HMCN1: variants seen among roughly 807,000 people sequenced by gnomAD.
HMCN1 encodes hemicentin-1.
A neutral mutation model predicts 625.9 loss-of-function variants in HMCN1; 321 were observed. The observed-to-expected ratio is 0.51, with a 90% CI of 0.47 to 0.56. HMCN1 has a LOEUF of 0.56. Among genes scored for constraint, HMCN1 ranks in the 20% least tolerant of loss-of-function variants. HMCN1 has a pLI of 0.00. For missense variants in HMCN1, 6,588 were observed against 6,887.3 expected (o/e 0.96, Z 1.54); for synonymous variants, 2,425 against 2,417.6 (o/e 1.00, Z -0.09).
chr1:186,018,053 C>T (rs1347339015), intron 33 of HMCN1, 130 bp from the exon 34 acceptor site: 3 of 860,480 alleles, frequency 3.5e-6, no homozygotes, highest in East Asian at 2.6e-5. Flanking sequence ...TTCTCTTTTT[C>T]ATTTACAATT....
At chr1:185,743,531 A>G (rs114569793) in intron 1 of HMCN1, among the ~76,000 whole-genome samples, 29 of 152,292 alleles carry the variant, frequency 1.9e-4, no homozygotes, top group African/African-American at 6.7e-4. Context: ...CTACCTTCCA[A>G]TTTTAACTGG....
intron 56 of HMCN1, among the ~76,000 whole-genome samples, chr1:186,081,974 G>A (rs1226812910): frequency 1.1e-4 from 16 of 152,094 alleles, no homozygotes; most frequent in Admixed American, 9.8e-4. Context: ...AAGAATCCAA[G>A]CATAACCTTC....
chr1:185,853,421 T>C (rs1662279469), intron 2 of HMCN1, among the ~76,000 whole-genome samples: 2 of 152,202 alleles, frequency 1.3e-5, no homozygotes, highest in Admixed American at 6.5e-5. Context: ...AAAGGTACTA[T>C]ATCTACTGTA....
chr1:185,982,265 C>A lies in HMCN1; in HGVS notation c.2666C>A (p.Ala889Asp). Residue 889 changes from alanine (A) to aspartate (D), a missense_variant, in exon 18 of 107, where the codon GCT (alanine) becomes GAT (aspartate). Physicochemically the swap from Ala to Asp is moderately radical, Grantham distance 126. Around this residue, in one of 3 missense-constraint regions of HMCN1, gnomAD observed 4,628 missense variants for 4,853.1 expected, o/e 0.95. Transcript: ENST00000271588. ...ETTVTVTGLVAPLIGISPSVA... is the reference protein window; with the variant it reads ...ETTVTVTGLVDPLIGISPSVA... ...CCTGTGCTCTCTCTTGATTTAGTTG[C>A]TCCACTTATTGGAATCAGCCCTTCA... The A allele has an allele frequency of 1.2e-6, 2 of 1,613,830 alleles. No individual in the cohort carries two copies. The highest frequency in any genetic ancestry group is 1.7e-6 in the Non-Finnish European group (2 of 1,179,820).
intron 11 of HMCN1, among the ~76,000 whole-genome samples, chr1:185,956,808 AC>A (rs1649663852): frequency 6.6e-6 from 1 of 152,048 alleles, no homozygotes; most frequent in Non-Finnish European, 1.5e-5. Flanking sequence ...CCCTCTGGGG[AC>A]CCCCAGTCAC....
intron 11 of HMCN1, among the ~76,000 whole-genome samples, chr1:185,957,551 AT>A (rs539398448): frequency 9.9e-4 from 150 of 152,184 alleles, no homozygotes; most frequent in African/African-American, 3.5e-3. Flanking sequence ...TATGAGGAGG[AT>A]TTTTGAGGCT....
At chr1:185,785,923 G>A (rs551182328) in intron 1 of HMCN1, among the ~76,000 whole-genome samples, 1 of 152,192 alleles carries the variant, frequency 6.6e-6, no homozygotes, top group Non-Finnish European at 1.5e-5. Flanking sequence ...ACTCTACTTC[G>A]AAATGACATT....
Position 186,082,954 on chromosome 1 carries a change from T to C in HMCN1, c.8877T>C (p.Asn2959=), listed in dbSNP as rs747866748. 11 of 1,582,220 alleles carry C rather than the reference T, an allele frequency of 7.0e-6. No homozygotes were observed. The highest frequency in any genetic ancestry group is 1.4e-5 in the African/African-American group (1 of 73,950). The change falls in exon 57 of 107, where the codon AAT becomes AAC. Residue 2959 remains asparagine (N), a synonymous_variant. Transcript: ENST00000271588. ...GTGCCAAAAAATATTTTAACCTCAA[T>C]GTTCATGGTAAGAGCTCAGTTCCAA... ...AGSAKKYFNL[N]VHVPPSVIGP...
At chr1:185,967,433 A>G (rs563275286) in intron 14 of HMCN1, among the ~76,000 whole-genome samples, 3 of 152,258 alleles carry the variant, frequency 2.0e-5, no homozygotes, top group Admixed American at 1.3e-4. Context: ...AGTGGGTTCA[A>G]TAATCTATCA....
chr1:186,013,507 T>G (rs1654132986), intron 30 of HMCN1, among the ~76,000 whole-genome samples: 1 of 152,136 alleles, frequency 6.6e-6, no homozygotes. Context: ...GTTCTAAGAA[T>G]GATTACCAGA....
At position 186,070,599 on chromosome 1, in the gene HMCN1, T is replaced by G; in HGVS notation, c.7994-13T>G. 6.2e-7 allele frequency: 1 copy of G among 1,607,318 alleles called. No homozygotes were observed. Among genetic ancestry groups the G allele is most frequent in the Non-Finnish European group, 8.5e-7 (1 of 1,173,988 alleles). On this transcript the variant is annotated splice_polypyrimidine_tract_variant and intron_variant, in intron 51 of 106. Coordinates refer to ENST00000271588, the MANE Select transcript of HMCN1 (RefSeq NM_031935.3). The stretch of plus-strand genomic sequence containing the variant: ...TAACCAATGTCTAACTCTTTAATAT[T>G]TATTTTATGCAGTTCCACCCATAAT...
intron 97 of HMCN1, among the ~76,000 whole-genome samples, chr1:186,155,103 C>G (rs1158010607): frequency 6.6e-6 from 1 of 152,182 alleles, no homozygotes; most frequent in Non-Finnish European, 1.5e-5. Context: ...TTTTAAACTT[C>G]ACCATTTTAT....
chr1:186,028,998 C>G (rs1015390683), intron 36 of HMCN1, among the ~76,000 whole-genome samples: 2 of 152,092 alleles, frequency 1.3e-5, no homozygotes, highest in Admixed American at 6.6e-5. Flanking sequence ...TCCCAAAGTC[C>G]TGGGATTACA....
intron 97 of HMCN1, among the ~76,000 whole-genome samples, chr1:186,161,919 G>A (rs754554953): frequency 1.4e-4 from 21 of 152,228 alleles, no homozygotes; most frequent in African/African-American, 4.3e-4. Context: ...TTCTCAAGGA[G>A]TATCTTTGTG....
Position 186,120,038 on chromosome 1 carries a change from G to C in HMCN1, c.12122G>C (p.Gly4041Ala). 1 of 1,613,982 alleles carries C rather than the reference G, an allele frequency of 6.2e-7. No homozygotes were observed. The highest frequency in any genetic ancestry group is 1.1e-5 in the South Asian group (1 of 91,080). Residue 4041 changes from glycine (G) to alanine (A), a missense_variant, in exon 80 of 107, where the codon GGC becomes GCC. By Grantham distance (60) the Gly-to-Ala change is moderately conservative. Transcript: ENST00000271588. ...AGAAACCATGCAGTTCTTCCTAGTGGCGGCTTACAGATCTCCAGAGCTGTC... is the reference window on the plus strand; with the variant it reads ...AGAAACCATGCAGTTCTTCCTAGTGCCGGCTTACAGATCTCCAGAGCTGTC... ...SGRNHAVLPS[G>A]GLQISRAVRE...
rs147113440 is a variant in HMCN1 at position 185,980,930 on chromosome 1, A to G, written c.2567-48A>G. 7.6e-4 allele frequency: 843 copies of G among 1,113,050 alleles called. 7 individuals carry two copies. In the African/African-American group the frequency reaches 0.01, roughly 14 times the overall value. The allele number at this position is 1,113,050 out of a possible 1,614,324, so 68.9% of individuals were successfully genotyped here. On this transcript the variant is annotated intron_variant, in intron 16 of 106. Coordinates refer to ENST00000271588, the MANE Select transcript of HMCN1 (RefSeq NM_031935.3). ...TCAGCACTGTTTCTGGCACATAGTT[A>G]ATTCTCCATAGATGGTATTGGATGA...
intron 15 of HMCN1, 45 bp from the exon 16 acceptor site, chr1:185,977,742 G>A (rs775562549): frequency 6.8e-6 from 8 of 1,171,940 alleles, no homozygotes; most frequent in Non-Finnish European, 9.0e-6. Flanking sequence ...TAATATGCCT[G>A]TATAATATAC....
intron 40 of HMCN1, among the ~76,000 whole-genome samples, chr1:186,042,135 G>T (rs1460810073): frequency 6.6e-6 from 1 of 152,104 alleles, no homozygotes; most frequent in African/African-American, 2.4e-5. Context: ...CTAGCAAAGG[G>T]TTCTCTATGT....
chr1:186,081,564 C>T (rs1659173331), intron 56 of HMCN1, among the ~76,000 whole-genome samples, 170 bp downstream of exon 56: 1 of 152,066 alleles, frequency 6.6e-6, no homozygotes, highest in African/African-American at 2.4e-5. Flanking sequence ...CATTCTATTC[C>T]CACTACCAGA....
Sources: gnomAD v4.1 joint callset for allele counts (sites outside exome capture counted in the v4.1 genomes callset) on GRCh38, gnomAD v4.1.1 for gene constraint, gnomAD v4.1.1 regional missense constraint, MANE v1.5 for transcripts, NCBI Gene and HGNC (gene_info 2026-07-23, HGNC 2026-07-21) for gene names.